Variants in CAMK1D observed in about 807,000 individuals in gnomAD.
The protein encoded by CAMK1D is calcium/calmodulin-dependent protein kinase type 1D.
A neutral mutation model predicts 47.7 loss-of-function variants in CAMK1D; 9 were observed. That is an observed-to-expected ratio of 0.19 (90% CI 0.11 to 0.33). The LOEUF is 0.33. CAMK1D is among the 10% of genes least tolerant of loss of function. The probability of loss-of-function intolerance (pLI) is 1.00; values close to 1 mark genes in which losing one functional copy is unlikely to be tolerated. For synonymous variants in CAMK1D, 184 were observed against 184.9 expected (o/e 0.99, Z 0.04); for missense variants, 291 against 488.7 (o/e 0.60, Z 3.81).
At chr10:12,689,882 T>C (rs1013754332) in intron 3 of CAMK1D, among the ~76,000 whole-genome samples, 5 of 152,190 alleles carry the variant, frequency 3.3e-5, no homozygotes, top group Admixed American at 3.3e-4. Flanking sequence ...CTATGTTGGG[T>C]GAATTCATTT....
chr10:12,629,788 G>A (rs754507847), intron 2 of CAMK1D, among the ~76,000 whole-genome samples: 20 of 152,206 alleles, frequency 1.3e-4, no homozygotes, highest in Non-Finnish European at 2.5e-4. Context: ...AAAAGCAAGG[G>A]GTTCTGGATA....
chr10:12,530,508 C>T (rs1835770002), intron 1 of CAMK1D, among the ~76,000 whole-genome samples: 2 of 152,168 alleles, frequency 1.3e-5, no homozygotes, highest in Admixed American at 1.3e-4. Context: ...TGGGAAAAGA[C>T]AGCTTGGTAA....
intron 2 of CAMK1D, among the ~76,000 whole-genome samples, chr10:12,627,520 T>C (rs11595663): frequency 0.26 from 39,768 of 152,104 alleles, 5,423 homozygotes; most frequent in South Asian, 0.38. Flanking sequence ...CTCAAAACAT[T>C]CCTTTATGTC....
intron 1 of CAMK1D, among the ~76,000 whole-genome samples, chr10:12,458,327 A>G (rs1320474963): frequency 1.3e-5 from 2 of 152,228 alleles, no homozygotes; most frequent in East Asian, 3.8e-4. Context: ...CTAGAGAGGA[A>G]GGCGAGAGGA....
chr10:12,801,470 C>CTATCTATCCA (rs1838477295), intron 6 of CAMK1D, among the ~76,000 whole-genome samples: 1 of 151,036 alleles, frequency 6.6e-6, no homozygotes, highest in African/African-American at 2.4e-5. Context: ...TATCCGTCAT[C>CTATCTATCCA]TATCTATCCA....
chr10:12,564,174 TCTCTCTCA>T (rs777997865), intron 2 of CAMK1D, among the ~76,000 whole-genome samples: 1 of 128,284 alleles, frequency 7.8e-6, no homozygotes, highest in Non-Finnish European at 1.7e-5. Context: ...TCTCTCTCTC[TCTCTCTCA>T]TAGGCTAATA....
intron 1 of CAMK1D, among the ~76,000 whole-genome samples, chr10:12,407,862 C>CTTTTTTTTTTTTT (rs35451883): frequency 1.4e-5 from 1 of 69,698 alleles, no homozygotes. Flanking sequence ...TTTTTTTTTT[C>CTTTTTTTTTTTTT]TTTTTTTTTT....
At chr10:12,630,806 C>T (rs1839358865) in intron 2 of CAMK1D, among the ~76,000 whole-genome samples, 2 of 152,082 alleles carry the variant, frequency 1.3e-5, no homozygotes, top group Non-Finnish European at 1.5e-5. Context: ...TCCTATTGGA[C>T]CTGCTTCCTG....
chr10:12,583,605 A>ATTTT (rs199562739), intron 2 of CAMK1D, among the ~76,000 whole-genome samples: 2 of 132,648 alleles, frequency 1.5e-5, no homozygotes, highest in African/African-American at 5.7e-5. Flanking sequence ...TTGTTGTTTT[A>ATTTT]TTTTTTTTTT....
intron 1 of CAMK1D, among the ~76,000 whole-genome samples, chr10:12,437,996 T>C (rs144080901): frequency 6.6e-5 from 10 of 152,284 alleles, no homozygotes; most frequent in Non-Finnish European, 1.5e-4. Flanking sequence ...AGACCCAAAT[T>C]CCAGAATCTC....
At position 12,605,866 on chromosome 10, in the gene CAMK1D, G is replaced by A. The variant is rs1408223257; in HGVS notation, c.224+52510G>A. On this transcript the variant is annotated intron_variant, in intron 2 of 10. Transcript: ENST00000619168. ...AAGTAAACAGCTCAGCCTCTCCCCG[G>A]GGCCTGTGGAGCCTGTTGCCCCGGA... is the stretch of plus-strand genomic sequence containing the variant. Among the ~76,000 whole-genome samples the A allele has an allele frequency of 3.3e-5, 5 of 152,176 alleles. No individual in the cohort carries two copies. In the East Asian group the frequency reaches 5.8e-4, roughly 18 times the overall value.
intron 1 of CAMK1D, among the ~76,000 whole-genome samples, chr10:12,524,086 G>C (rs990245005): frequency 6.6e-6 from 1 of 151,666 alleles, no homozygotes; most frequent in African/African-American, 2.4e-5. Context: ...TAGAGACAGG[G>C]TTTCACGTTG....
At chr10:12,659,116 A>G (rs1297192184) in intron 2 of CAMK1D, among the ~76,000 whole-genome samples, 1 of 152,160 alleles carries the variant, frequency 6.6e-6, no homozygotes, top group Non-Finnish European at 1.5e-5. Context: ...CCCTAGGATT[A>G]TCAACAGCTG....
intron 2 of CAMK1D, among the ~76,000 whole-genome samples, chr10:12,601,280 C>G (rs1363012725): frequency 1.3e-5 from 2 of 150,286 alleles, no homozygotes; most frequent in Non-Finnish European, 1.5e-5. Context: ...ATAATGTGAG[C>G]AAGTTTTCAT....
chr10:12,404,643 C>T (rs772022612), intron 1 of CAMK1D, among the ~76,000 whole-genome samples: 1 of 151,854 alleles, frequency 6.6e-6, no homozygotes, highest in Non-Finnish European at 1.5e-5. Flanking sequence ...AGTTTTAGAA[C>T]GTAAGGGACC....
intron 1 of CAMK1D, among the ~76,000 whole-genome samples, chr10:12,391,258 C>T (rs958606208): frequency 2.0e-5 from 3 of 152,040 alleles, no homozygotes; most frequent in East Asian, 1.9e-4. Flanking sequence ...TGTAGGTGTG[C>T]GCTTTTTTTT....
At position 12,453,858 on chromosome 10, in the gene CAMK1D, C is replaced by T. The variant is rs187090745; in HGVS notation, c.93-99367C>T. On this transcript the variant is annotated intron_variant, in intron 1 of 10. Coordinates refer to ENST00000619168, the MANE Select transcript of CAMK1D (RefSeq NM_153498.4). ...ATGCACAATCTTGTGAGATCCAGCT[C>T]ATTATATCAGCCTGTCAAGATCTTT... 9.3e-4 allele frequency among the ~76,000 whole-genome samples: 141 copies of T among 152,272 alleles called. 2 individuals are homozygous for T. Among genetic ancestry groups the T allele is most frequent in the Non-Finnish European group, 2.9e-4 (20 of 68,012 alleles).
At chr10:12,733,129 T>A (rs751218852) in intron 3 of CAMK1D, among the ~76,000 whole-genome samples, 9 of 152,252 alleles carry the variant, frequency 5.9e-5, no homozygotes, top group Non-Finnish European at 1.2e-4. Context: ...AGTTTACCTT[T>A]CTATTCTTAT....
intron 4 of CAMK1D, among the ~76,000 whole-genome samples, chr10:12,766,064 C>G (rs566003614): frequency 1.6e-4 from 24 of 146,460 alleles, no homozygotes; most frequent in African/African-American, 6.1e-4. Flanking sequence ...CTCCCAGGTT[C>G]AAGTGATTCT....
Sources: gnomAD v4.1 joint callset for allele counts (sites outside exome capture counted in the v4.1 genomes callset) on GRCh38, gnomAD v4.1.1 for gene constraint, MANE v1.5 for transcripts, NCBI Gene and HGNC (gene_info 2026-07-23, HGNC 2026-07-21) for gene names.